The following KALRN variants were observed in gnomAD, a reference collection of about 807,000 sequenced individuals.
The protein encoded by KALRN is kalirin.
KALRN carries 70 observed loss-of-function variants against 353.7 expected under a neutral mutation model. The ratio of observed to expected loss-of-function variants is 0.20; its 90% CI spans 0.16 to 0.24. The LOEUF (loss-of-function observed/expected upper bound fraction) is 0.24. Ranked by LOEUF, KALRN falls within the 10% of genes least tolerant of loss-of-function variation. The probability of loss-of-function intolerance (pLI) is 1.00; values close to 1 mark genes in which losing one functional copy is unlikely to be tolerated. For synonymous variants in KALRN, 1,391 were observed against 1,434.8 expected, an observed-to-expected ratio of 0.97 and a Z score of 0.69; for missense variants, 2,791 against 3,756.7, an observed-to-expected ratio of 0.74 and a Z score of 6.72.
intron 6 of KALRN, among the ~76,000 whole-genome samples, chr3:124,307,557 A>G (rs530526923): frequency 8.4e-6 from 1 of 118,984 alleles, no homozygotes; most frequent in African/African-American, 2.9e-5. Flanking sequence ...GTTAATGTAC[A>G]GTAGAAGCTG....
intron 27 of KALRN, among the ~76,000 whole-genome samples, chr3:124,482,220 A>G (rs2062056726): frequency 6.6e-6 from 1 of 152,246 alleles, no homozygotes; most frequent in Non-Finnish European, 1.5e-5. Context: ...GGAGACCTGA[A>G]GAATGAAGGA....
chr3:124,479,610 A>G (rs865799512), intron 27 of KALRN, among the ~76,000 whole-genome samples: 5 of 152,210 alleles, frequency 3.3e-5, no homozygotes, highest in Non-Finnish European at 7.3e-5. Flanking sequence ...CTCATTCTAT[A>G]AATGAGATAA....
chr3:124,080,947 G>A (rs745988007), intron 1 of KALRN, among the ~76,000 whole-genome samples: 6 of 152,162 alleles, frequency 3.9e-5, no homozygotes, highest in Non-Finnish European at 7.3e-5. Context: ...GGAGCTCTGT[G>A]GCCATTACCA....
intron 1 of KALRN, among the ~76,000 whole-genome samples, chr3:124,087,046 G>C (rs946350856): frequency 1.3e-5 from 2 of 151,958 alleles, no homozygotes; most frequent in Non-Finnish European, 2.9e-5. Flanking sequence ...TCATTCAGTG[G>C]GCATCAGATT....
intron 1 of KALRN, among the ~76,000 whole-genome samples, chr3:124,086,348 TG>T (rs1207205897): frequency 2.1e-5 from 3 of 146,022 alleles, no homozygotes; most frequent in East Asian, 3.9e-4. Context: ...TGTGTGTGTG[TG>T]TGTGTTTTTG....
At chr3:124,592,714 A>G (rs2075922414) in intron 34 of KALRN, among the ~76,000 whole-genome samples, 1 of 152,132 alleles carries the variant, frequency 6.6e-6, no homozygotes, top group African/African-American at 2.4e-5. Context: ...CTTGTAGGTG[A>G]GGCCCACGGG....
rs945912618 is a variant in KALRN at position 124,724,767 on chromosome 3, T to A, written c.*5297T>A. ...TTCTATGAAAGGCATTTCTTCCTCATCTTCAATAAATATGAAGAAGTTAGA... is the reference window on the plus strand; with the variant it reads ...TTCTATGAAAGGCATTTCTTCCTCAACTTCAATAAATATGAAGAAGTTAGA... On this transcript the variant is annotated 3_prime_UTR_variant, in exon 60 of 60. Coordinates refer to ENST00000682506, the MANE Select transcript of KALRN (RefSeq NM_001388419.1). The A allele has an allele frequency of 6.6e-6, 1 of 152,200 alleles. No individual in the cohort carries two copies. The highest frequency in any genetic ancestry group is 2.4e-5 in the African/African-American group (1 of 41,448). The allele number at this position is 152,200 out of a possible 1,614,324, so 9.4% of individuals were successfully genotyped here. A position where few individuals can be genotyped will look rare whatever the true frequency, so the allele number is the denominator to read the frequency against.
In KALRN at chr3:124,719,194, G is replaced by A. The variant is rs2063298999; in HGVS notation, c.8685G>A (p.Val2895=). 1.9e-6 allele frequency: 3 copies of A among 1,614,114 alleles called. No homozygotes were observed. The highest frequency in any genetic ancestry group is 1.3e-5 in the African/African-American group (1 of 74,950). ...AGACATGTATCAACGTATGCAGGGT[G>A]GATTTCAGCTTCCCCCATGAATACT... ...KEETCINVCR[V]DFSFPHEYFC... Residue 2895 remains valine, a synonymous_variant, in exon 60 of 60, where the codon GTG becomes GTA. Transcript: ENST00000682506. This position sits in a 1 kb window ranked among gnomAD's most constrained non-coding sequence, Gnocchi z 5.3.
rs2079885184 is a variant in KALRN, at chr3:124,326,177, G to A, written c.1284+6G>A. The A allele has an allele frequency of 3.1e-6, 5 of 1,606,248 alleles. No individual in the cohort carries two copies. Among genetic ancestry groups the A allele is most frequent in the Admixed American group, 3.4e-5 (2 of 59,472 alleles). On this transcript the variant is annotated splice_donor_region_variant and intron_variant, in intron 7 of 59. Transcript: ENST00000682506. ...TCCACCAGAAGGCTGAGCAGGTAAG[G>A]TGCAGAAACCTGCAGCAGCTGCTGT...
chr3:124,543,303 A>G (rs1577854991), intron 33 of KALRN, among the ~76,000 whole-genome samples: 3 of 147,672 alleles, frequency 2.0e-5, no homozygotes, highest in Non-Finnish European at 4.5e-5. Context: ...AAATTTACGG[A>G]CTTTTTTTTT....
At chr3:124,596,484 AAAAAC>A (rs2076278770) in intron 34 of KALRN, among the ~76,000 whole-genome samples, 1 of 152,182 alleles carries the variant, frequency 6.6e-6, no homozygotes, top group Non-Finnish European at 1.5e-5. Flanking sequence ...AAACAAACAA[AAAAAC>A]CCCACAATAG....
intron 33 of KALRN, among the ~76,000 whole-genome samples, chr3:124,500,055 T>C (rs1261726173): frequency 1.3e-5 from 2 of 152,228 alleles, no homozygotes; most frequent in African/African-American, 4.8e-5. Context: ...TTCTAACTAA[T>C]GTAAACATGG....
At chr3:124,273,852 C>T (rs1000177896) in intron 5 of KALRN, among the ~76,000 whole-genome samples, 19 of 152,228 alleles carry the variant, frequency 1.2e-4, no homozygotes. Context: ...GGCCTGTCCT[C>T]CACTGTATTC....
chr3:124,694,606 C>T (rs2150601162), intron 53 of KALRN, 103 bp downstream of exon 53: 3 of 1,132,816 alleles, frequency 2.6e-6, no homozygotes, highest in East Asian at 4.8e-5. Flanking sequence ...CTGGGCTCTG[C>T]AAGAGAATAG....
At chr3:124,649,524 A>T (rs2083140852) in intron 37 of KALRN, among the ~76,000 whole-genome samples, 2 of 152,170 alleles carry the variant, frequency 1.3e-5, no homozygotes, top group South Asian at 4.1e-4. Context: ...CTGTAATCCC[A>T]GCATTTTGAG....
Position 124,193,017 on chromosome 3 carries a change from A to G in KALRN, c.74-34973A>G, listed in dbSNP as rs548216496. ...TTCCCCAAAAATTGTCAGCATATGTACTTCTATTCTTTATTGACCTGACCT... is the reference window on the plus strand; with the variant it reads ...TTCCCCAAAAATTGTCAGCATATGTGCTTCTATTCTTTATTGACCTGACCT... On this transcript the variant is annotated intron_variant, in intron 1 of 59. Transcript: ENST00000682506. 3.6e-4 allele frequency among the ~76,000 whole-genome samples: 55 copies of G among 152,346 alleles called. 1 individual carries two copies. The South Asian group carries it at 0.011, about 32-fold the overall frequency.
intron 57 of KALRN, among the ~76,000 whole-genome samples, chr3:124,708,463 AC>A (rs1328962939): frequency 2.0e-4 from 30 of 152,234 alleles, no homozygotes; most frequent in Admixed American, 2.0e-3. Flanking sequence ...AAATTGCATA[AC>A]AAAAAATACA....
At chr3:124,423,154 C>T (rs983595084) in intron 15 of KALRN, among the ~76,000 whole-genome samples, 176 bp downstream of exon 15, 10 of 152,180 alleles carry the variant, frequency 6.6e-5, no homozygotes, top group Middle Eastern at 3.2e-3. Flanking sequence ...AGCTTGGCTG[C>T]GGTAACAAAT....
intron 1 of KALRN, among the ~76,000 whole-genome samples, chr3:124,066,530 G>T (rs2149243886): frequency 6.6e-6 from 1 of 152,208 alleles, no homozygotes; most frequent in South Asian, 2.1e-4. Flanking sequence ...AAGGAGTGAG[G>T]GAAGCGAGTG....
Sources: allele counts gnomAD v4.1 joint callset (sites outside exome capture counted in the v4.1 genomes callset), GRCh38; gene constraint gnomAD v4.1.1; non-coding constraint Gnocchi (gnomAD v3.1); transcripts MANE v1.5; gene names NCBI Gene and HGNC (gene_info 2026-07-23, HGNC 2026-07-21).